The following TENM2 variants were observed in gnomAD, a reference collection of about 807,000 sequenced individuals.
TENM2 encodes teneurin transmembrane protein 2, also known as teneurin-2.
Under a neutral mutation model 245.2 loss-of-function variants are expected in TENM2, and 52 were observed. The ratio of observed to expected loss-of-function variants is 0.21; its 90% CI spans 0.17 to 0.27. The LOEUF (loss-of-function observed/expected upper bound fraction) is 0.27, where lower values mean the gene tolerates loss of function less well. Among genes scored for constraint, TENM2 ranks in the 10% least tolerant of loss-of-function variants. The pLI, the probability that TENM2 is intolerant of heterozygous loss-of-function variation, is 1.00. For missense variants in TENM2, 3,046 were observed against 3,666.8 expected, an observed-to-expected ratio of 0.83 and a Z score of 4.37; for synonymous variants, 1,363 against 1,438.9, an observed-to-expected ratio of 0.95 and a Z score of 1.19.
At chr5:167,063,903 A>G in the TENM2 span, among the ~76,000 whole-genome samples, 1 of 152,226 alleles carries the variant, frequency 6.6e-6, no homozygotes, top group Admixed American at 6.5e-5. Context: ...ATTAGAATTC[A>G]ACTTTTTCTC....
intron 2 of TENM2, among the ~76,000 whole-genome samples, chr5:167,441,012 C>T (rs994857472): frequency 6.6e-6 from 1 of 152,150 alleles, no homozygotes; most frequent in African/African-American, 2.4e-5. Context: ...TCCCCAACTT[C>T]CCAGCAAGCT....
intron 4 of TENM2, among the ~76,000 whole-genome samples, chr5:167,969,597 T>G (rs971738189): frequency 2.0e-5 from 3 of 152,208 alleles, no homozygotes; most frequent in African/African-American, 7.2e-5. Flanking sequence ...GAGAAGATCC[T>G]GACAGAACAG....
At chr5:168,089,251 C>G (rs1016806511) in intron 7 of TENM2, among the ~76,000 whole-genome samples, 3 of 152,194 alleles carry the variant, frequency 2.0e-5, no homozygotes, top group African/African-American at 7.2e-5. Context: ...CATTCACTGT[C>G]CTGATCAAAC....
intron 7 of TENM2, among the ~76,000 whole-genome samples, chr5:168,075,163 A>G (rs1251409913): frequency 6.6e-6 from 1 of 152,100 alleles, no homozygotes; most frequent in African/African-American, 2.4e-5. Context: ...CTCAGCTCCC[A>G]CTTATGAGTG....
At chr5:167,720,077 T>A (rs912055490) in intron 2 of TENM2, among the ~76,000 whole-genome samples, 1 of 152,172 alleles carries the variant, frequency 6.6e-6, no homozygotes, top group Non-Finnish European at 1.5e-5. Context: ...TTCTTTATTA[T>A]AGAATGATTC....
intron 27 of TENM2, among the ~76,000 whole-genome samples, chr5:168,252,626 C>G (rs1337010310): frequency 6.6e-6 from 1 of 151,638 alleles, no homozygotes; most frequent in Non-Finnish European, 1.5e-5. Flanking sequence ...GGTGGATCAC[C>G]TGAAGCCAGT....
At chr5:167,862,376 A>G (rs780147222) in intron 2 of TENM2, among the ~76,000 whole-genome samples, 2 of 152,194 alleles carry the variant, frequency 1.3e-5, no homozygotes, top group Non-Finnish European at 2.9e-5. Context: ...CGTGAGTATC[A>G]TGGAAACTCC....
intron 3 of TENM2, among the ~76,000 whole-genome samples, chr5:167,924,722 G>T (rs1355761920): frequency 2.0e-5 from 3 of 152,170 alleles, no homozygotes; most frequent in African/African-American, 7.2e-5. Context: ...GTTCCACCTA[G>T]AGGCAAAACC....
intron 9 of TENM2, among the ~76,000 whole-genome samples, chr5:168,108,655 G>A (rs1581330103): frequency 6.6e-6 from 1 of 152,338 alleles, no homozygotes; most frequent in South Asian, 2.1e-4. Flanking sequence ...GGCCACGTCT[G>A]CCTGGTTCTG....
At chr5:167,143,397 T>C in the TENM2 span, among the ~76,000 whole-genome samples, 1 of 152,220 alleles carries the variant, frequency 6.6e-6, no homozygotes, top group South Asian at 2.1e-4. Flanking sequence ...CCACCATTCG[T>C]TGGGATGCCT....
At chr5:168,262,092 C>G in exon 29 of TENM2, 1 of 1,613,958 alleles carries the variant, frequency 6.2e-7, no homozygotes, top group East Asian at 2.2e-5. Flanking sequence ...CATAACCAGG[C>G]CTTCATGGCT....
At chr5:167,459,950 A>C in intron 2 of TENM2, among the ~76,000 whole-genome samples, 1 of 150,668 alleles carries the variant, frequency 6.6e-6, no homozygotes, top group East Asian at 2.0e-4. Flanking sequence ...ACACACACAC[A>C]ACACACACTC....
At chr5:167,878,502 C>G (rs1773610279) in intron 3 of TENM2, among the ~76,000 whole-genome samples, 4 of 152,026 alleles carry the variant, frequency 2.6e-5, no homozygotes, top group Admixed American at 2.6e-4. Flanking sequence ...AACAGGCAGT[C>G]ATTAGAAATT....
At chr5:168,119,728 A>G (rs1203667773) in intron 10 of TENM2, among the ~76,000 whole-genome samples, 1 of 152,066 alleles carries the variant, frequency 6.6e-6, no homozygotes, top group Non-Finnish European at 1.5e-5. Context: ...CCCTCACACA[A>G]CTCAAACAGC....
chr5:167,296,286 T>TA (rs2127727757), intron 1 of TENM2: 1 of 152,328 alleles, frequency 6.6e-6, no homozygotes, highest in African/African-American at 2.4e-5. Context: ...CATTTCAGTT[T>TA]AAAAATAGTC....
At chr5:167,449,565 T>C (rs930975028) in intron 2 of TENM2, among the ~76,000 whole-genome samples, 3 of 127,398 alleles carry the variant, frequency 2.4e-5, no homozygotes, top group Non-Finnish European at 5.2e-5. Flanking sequence ...GATAGATAGA[T>C]AGATAAAGAC....
intron 2 of TENM2, among the ~76,000 whole-genome samples, chr5:167,437,331 C>G (rs1392009830): frequency 6.6e-6 from 1 of 152,094 alleles, no homozygotes; most frequent in Non-Finnish European, 1.5e-5. Context: ...GGCCCGTAGC[C>G]CCTTGGTTTT....
Position 168,182,237 on chromosome 5 carries a change from G to A in TENM2, c.2570-8100G>A, listed in dbSNP as rs549762773. On this transcript the variant is annotated intron_variant, in intron 13 of 28. Transcript: ENST00000518659. The stretch of plus-strand genomic sequence containing the variant: ...TCCTTTCACTTCTTAGTTACATCAA[G>A]CCCAAATACTTTCAATTATCCTCAC... 6.5e-4 allele frequency among the ~76,000 whole-genome samples: 99 copies of A among 152,324 alleles called. 1 individual carries two copies. Among genetic ancestry groups the A allele is most frequent in the African/African-American group, 2.3e-3 (97 of 41,570 alleles).
At chr5:168,216,540 A>G (rs6885116) in intron 21 of TENM2, among the ~76,000 whole-genome samples, 20,583 of 152,160 alleles carry the variant, frequency 0.14, 1,710 homozygotes, top group African/African-American at 0.23. Context: ...GCAGGGAAGA[A>G]GGTGGTGATA....
Sources: allele counts gnomAD v4.1 joint callset (sites outside exome capture counted in the v4.1 genomes callset), GRCh38; gene constraint gnomAD v4.1.1; transcripts MANE v1.5; gene names NCBI Gene and HGNC (gene_info 2026-07-23, HGNC 2026-07-21).